The following EDEM3 variants were observed in gnomAD, a reference collection of about 807,000 sequenced individuals.
The protein encoded by EDEM3 is ER degradation enhancing alpha-mannosidase like protein 3.
A neutral mutation model predicts 110.2 loss-of-function variants in EDEM3; 60 were observed. The ratio of observed to expected loss-of-function variants is 0.54; its 90% CI spans 0.44 to 0.67. The LOEUF (loss-of-function observed/expected upper bound fraction) is 0.67. Ranked by LOEUF, EDEM3 falls within the 30% of genes least tolerant of loss-of-function variation. EDEM3 has a pLI of 0.00. For synonymous variants in EDEM3, 352 were observed against 382.9 expected, an observed-to-expected ratio of 0.92 and a Z score of 0.94; for missense variants, 996 against 1,121.0, an observed-to-expected ratio of 0.89 and a Z score of 1.59.
rs1368842957 is a variant in EDEM3 at position 184,693,808 on chromosome 1, T to G, written c.*255A>C. On this transcript the variant is annotated 3_prime_UTR_variant, in exon 20 of 20. Coordinates refer to ENST00000318130, the MANE Select transcript of EDEM3 (RefSeq NM_025191.4). ...TCAGTAATCTTTCCCTGGCCTGAGG[T>G]GTTGCAGGGTGGTGCAGTGCTGCAT... 3 of 368,338 alleles carry G rather than the reference T, an allele frequency of 8.1e-6. No homozygotes were observed. The highest frequency in any genetic ancestry group is 1.5e-5 in the Non-Finnish European group (3 of 202,350). 22.8% of individuals were successfully genotyped at this position (368,338 alleles called of 1,614,324 possible).
intron 16 of EDEM3, among the ~76,000 whole-genome samples, chr1:184,709,808 G>A (rs1017922266): frequency 3.3e-5 from 5 of 152,116 alleles, no homozygotes; most frequent in African/African-American, 1.2e-4. Context: ...ACCTGAATAT[G>A]GTTCTAGGTT....
chr1:184,744,180 T>G (rs1191702676), intron 2 of EDEM3, among the ~76,000 whole-genome samples: 1 of 148,788 alleles, frequency 6.7e-6, no homozygotes, highest in East Asian at 2.0e-4. Flanking sequence ...CCAAAGCATA[T>G]ATTTGATAAG....
Position 184,726,461 on chromosome 1 carries a change from A to T in EDEM3, c.613-72T>A, listed in dbSNP as rs12066345. The T allele has an allele frequency of 2.2e-4, 327 of 1,480,514 alleles. No individual in the cohort carries two copies. In the African/African-American group the frequency reaches 4.2e-3, roughly 19 times the overall value. 91.7% of individuals were successfully genotyped at this position (1,480,514 alleles called of 1,614,324 possible). On this transcript the variant is annotated intron_variant, in intron 6 of 19. Transcript: ENST00000318130. ...CCTTCTGATAAGAAACTACTTTTCA[A>T]TCAAGTCTTTGTATAAAATCATGAA... is the stretch of plus-strand genomic sequence containing the variant.
At chr1:184,754,376 A>G in intron 1 of EDEM3, 113 bp downstream of exon 1, 2 of 1,501,322 alleles carry the variant, frequency 1.3e-6, no homozygotes, top group Non-Finnish European at 1.8e-6. Context: ...GCGCGGGAAG[A>G]GCCGTTCCAA....
At chr1:184,712,683 T>G in intron 13 of EDEM3, 85 bp from the exon 14 acceptor site, 1 of 900,254 alleles carries the variant, frequency 1.1e-6, no homozygotes, top group Non-Finnish European at 1.6e-6. Flanking sequence ...TCAAGGTTAA[T>G]AATCCTGTCT....
rs1649009966 is a variant in EDEM3, at chr1:184,690,398, G to T, written c.*3665C>A. The stretch of plus-strand genomic sequence containing the variant: ...TGTCCCCAGAATTCAATCCCCGGAG[G>T]ATAAAATGAGTTTAAAAAAAAAAGG... On this transcript the variant is annotated 3_prime_UTR_variant, in exon 20 of 20. Coordinates refer to ENST00000318130, the MANE Select transcript of EDEM3 (RefSeq NM_025191.4). 7.8e-6 allele frequency: 1 copy of T among 128,820 alleles called. No homozygotes were observed. The highest frequency in any genetic ancestry group is 3.2e-5 in the African/African-American group (1 of 31,006). The allele number at this position is 128,820 out of a possible 1,614,324, so 8.0% of individuals were successfully genotyped here. A position where few individuals can be genotyped will look rare whatever the true frequency, so the allele number is the denominator to read the frequency against.
At position 184,693,972 on chromosome 1, in the gene EDEM3, A is replaced by G; in HGVS notation, c.*91T>C. On this transcript the variant is annotated 3_prime_UTR_variant, in exon 20 of 20. Transcript: ENST00000318130. Reference sequence around the variant, plus strand: ...TTCATCACCATACTTAAAGCCTCCCATTAGAAAGCCTGCTTAGTATTAGGA... The same window carrying G: ...TTCATCACCATACTTAAAGCCTCCCGTTAGAAAGCCTGCTTAGTATTAGGA... 1 of 1,375,326 alleles carries G rather than the reference A, an allele frequency of 7.3e-7. No homozygotes were observed. Among genetic ancestry groups the G allele is most frequent in the African/African-American group, 1.4e-5 (1 of 68,996 alleles). The allele number at this position is 1,375,326 out of a possible 1,614,324, so 85.2% of individuals were successfully genotyped here.
chr1:184,700,722 G>A (rs1649568930), intron 19 of EDEM3, among the ~76,000 whole-genome samples: 1 of 151,924 alleles, frequency 6.6e-6, no homozygotes. Context: ...TGTAGTAATG[G>A]TATAGGACAA....
intron 8 of EDEM3, among the ~76,000 whole-genome samples, chr1:184,721,689 C>G (rs1044596621): frequency 2.0e-5 from 3 of 151,764 alleles, no homozygotes; most frequent in African/African-American, 7.3e-5. Context: ...AAGATGAAGT[C>G]TCTTGTTTTG....
At position 184,719,237 on chromosome 1, in the gene EDEM3, C is replaced by T. The variant is rs764304144; in HGVS notation, c.1086G>A (p.Lys362=). 17 of 1,565,170 alleles carry T rather than the reference C, an allele frequency of 1.1e-5. No individual in the cohort carries two copies. Among genetic ancestry groups the T allele is most frequent in the Non-Finnish European group, 5.2e-6 (6 of 1,159,798 alleles). ...LAFFPGLQVL[K]GDIRPAIETH... ...TTTCAATAGCAGGTCTAATATCCCC[C>T]TTTAACACCTAGAAATCAACAACAA... The change falls in exon 11 of 20, where the codon AAG becomes AAA. Residue 362 remains lysine, a synonymous_variant. Coordinates refer to ENST00000318130, the MANE Select transcript of EDEM3 (RefSeq NM_025191.4).
intron 4 of EDEM3, among the ~76,000 whole-genome samples, 180 bp downstream of exon 4, chr1:184,736,841 TTATA>T (rs1450673438): frequency 1.3e-5 from 2 of 152,178 alleles, no homozygotes; most frequent in African/African-American, 2.4e-5. Context: ...GGTATCTCTG[TTATA>T]TTACATAATT....
Position 184,726,285 on chromosome 1 carries a change from T to C in EDEM3, c.717A>G (p.Leu239=), listed in dbSNP as rs1442877499. Residue 239 remains leucine, a synonymous_variant, in exon 7 of 20, where the codon TTA becomes TTG. Coordinates refer to ENST00000318130, the MANE Select transcript of EDEM3 (RefSeq NM_025191.4). ...ATATTGTTGCTCCTGTGAATCGACT[T>C]AAAGCAGCAAATTCAAGGATCAAGG... ...AGTLILEFAA[L]SRFTGATIFE... 1 of 1,613,838 alleles carries C rather than the reference T, an allele frequency of 6.2e-7. No homozygotes were observed. The highest frequency in any genetic ancestry group is 1.1e-5 in the South Asian group (1 of 91,068).
intron 9 of EDEM3, chr1:184,720,415 A>C (rs947726125): frequency 4.6e-5 from 7 of 152,104 alleles, no homozygotes; most frequent in African/African-American, 1.7e-4. Flanking sequence ...CATTCTGTAG[A>C]TGAGAAACAG....
At chr1:184,694,715 T>A (rs1649240609) in intron 19 of EDEM3, among the ~76,000 whole-genome samples, 2 of 152,020 alleles carry the variant, frequency 1.3e-5, no homozygotes, top group Admixed American at 6.6e-5. Context: ...TTGGAAGGAA[T>A]GACAATAACT....
rs745616085 is a variant in EDEM3, at chr1:184,711,732, A to G, written c.1682T>C (p.Ile561Thr). ...AAATAATACATCTTACACTCTGATG[A>G]TGCCTCTAGGACAGCTCTTATCCAC... ...NVVDKSCPRG[I>T]IRVEESFRSG... The change falls in exon 15 of 20, where the codon ATC becomes ACC. Residue 561 changes from isoleucine (I) to threonine (T), a missense_variant. Physicochemically the swap from Ile to Thr is moderately conservative, Grantham distance 89. Coordinates refer to ENST00000318130, the MANE Select transcript of EDEM3 (RefSeq NM_025191.4). 2 of 1,597,968 alleles carry G rather than the reference A, an allele frequency of 1.3e-6. No homozygotes were observed. The highest frequency in any genetic ancestry group is 1.7e-6 in the Non-Finnish European group (2 of 1,174,806).
At chr1:184,711,573 A>G (rs1308190627) in intron 15 of EDEM3, 150 bp downstream of exon 15, 6 of 507,510 alleles carry the variant, frequency 1.2e-5, no homozygotes, top group East Asian at 1.0e-4. Flanking sequence ...CTTTACTACT[A>G]ATTTTTATTT....
In EDEM3 at chr1:184,734,394, G is replaced by A. The variant is rs547148216; in HGVS notation, c.458+137C>T. On this transcript the variant is annotated intron_variant, in intron 5 of 19. Coordinates refer to ENST00000318130, the MANE Select transcript of EDEM3 (RefSeq NM_025191.4). ...TTAGATAGGAGAATCGCTTGAACCC[G>A]GGAGGCGGAGGCTGCAGTAAGCCAA... 159 of 253,354 alleles carry A rather than the reference G, an allele frequency of 6.3e-4. 1 individual carries two copies. The highest frequency in any genetic ancestry group is 2.5e-3 in the African/African-American group (111 of 43,632). 15.7% of individuals were successfully genotyped at this position (253,354 alleles called of 1,614,324 possible).
intron 13 of EDEM3, among the ~76,000 whole-genome samples, chr1:184,716,036 G>A (rs959949075): frequency 1.3e-5 from 2 of 152,056 alleles, no homozygotes; most frequent in South Asian, 4.1e-4. Flanking sequence ...TTATCCTTCA[G>A]GACATAGGAG....
intron 18 of EDEM3, 139 bp downstream of exon 18, chr1:184,706,504 G>T: frequency 3.2e-6 from 2 of 625,160 alleles, no homozygotes; most frequent in Non-Finnish European, 5.1e-6. Context: ...AAAAGTCATT[G>T]GATTACCTAT....
Sources: allele counts gnomAD v4.1 joint callset (sites outside exome capture counted in the v4.1 genomes callset), GRCh38; gene constraint gnomAD v4.1.1; transcripts MANE v1.5; gene names NCBI Gene and HGNC (gene_info 2026-07-23, HGNC 2026-07-21).